The following FHIP2A variants were observed in gnomAD, a reference collection of about 807,000 sequenced individuals.
FHIP2A encodes FHF complex subunit HOOK interacting protein 2A.
FHIP2A carries 46 observed loss-of-function variants against 93.5 expected under a neutral mutation model. The observed-to-expected ratio is 0.49, with a 90% CI of 0.39 to 0.63. The LOEUF is 0.63. Among genes scored for constraint, FHIP2A ranks in the 20% least tolerant of loss-of-function variants. The pLI, the probability that FHIP2A is intolerant of heterozygous loss-of-function variation, is 0.00. For synonymous variants in FHIP2A, 332 were observed against 326.5 expected (o/e 1.02, Z -0.18); for missense variants, 769 against 909.7 (o/e 0.85, Z 1.99).
In FHIP2A at chr10:114,876,659, C is replaced by T. The variant is rs147687049; in HGVS notation, c.2192+15325C>T. On this transcript the variant is annotated intron_variant, in intron 16 of 16. Coordinates refer to the FHIP2A transcript ENST00000369250. Reference sequence around the variant, plus strand: ...TGGGACCTGCCGGGAGCTTTCTGGACAAGCTTCCCAGGGGGCTCAGATGGA... The same window carrying T: ...TGGGACCTGCCGGGAGCTTTCTGGATAAGCTTCCCAGGGGGCTCAGATGGA... Among the ~76,000 whole-genome samples the T allele has an allele frequency of 7.6e-3, 1,155 of 152,252 alleles. 25 individuals carry two copies. Among genetic ancestry groups the T allele is most frequent in the African/African-American group, 0.026 (1,098 of 41,536 alleles).
rs1319172214 is a variant in FHIP2A at position 114,864,139 on chromosome 10, A to T, written c.*2599A>T. ...GTATATATGTATATATATAAGGACC[A>T]AAATTCTTAGCTCGCTTACACTGTT... is the stretch of plus-strand genomic sequence containing the variant. On this transcript the variant is annotated 3_prime_UTR_variant, in exon 17 of 17. Coordinates refer to ENST00000369248, the MANE Select transcript of FHIP2A (RefSeq NM_020940.4). The T allele has an allele frequency of 1.0e-6, 1 of 980,484 alleles. No individual in the cohort carries two copies. The highest frequency in any genetic ancestry group is 6.2e-5 in the Admixed American group (1 of 16,252). 60.7% of individuals were successfully genotyped at this position (980,484 alleles called of 1,614,324 possible).
intron 16 of FHIP2A, among the ~76,000 whole-genome samples, chr10:114,893,211 T>C (rs1020297400): frequency 6.6e-6 from 1 of 152,224 alleles, no homozygotes; most frequent in South Asian, 2.1e-4. Flanking sequence ...TTGTGAGTAA[T>C]CCAATTATCC....
chr10:114,884,416 G>A (rs145566574), intron 16 of FHIP2A, among the ~76,000 whole-genome samples: 11 of 152,304 alleles, frequency 7.2e-5, no homozygotes, highest in East Asian at 5.8e-4. Flanking sequence ...GATCTGCCAC[G>A]TACTAGTGCT....
At chr10:114,881,304 G>A (rs1276294896) in intron 16 of FHIP2A, among the ~76,000 whole-genome samples, 1 of 152,190 alleles carries the variant, frequency 6.6e-6, no homozygotes, top group East Asian at 1.9e-4. Flanking sequence ...CTTTCCAAAA[G>A]CCTTCAAGAG....
intron 9 of FHIP2A, 30 bp downstream of exon 9, chr10:114,846,119 C>T (rs567857826): frequency 6.2e-7 from 1 of 1,611,926 alleles, no homozygotes; most frequent in East Asian, 2.2e-5. Context: ...TTGAAAAAAA[C>T]CGCATCACTG....
intron 14 of FHIP2A, among the ~76,000 whole-genome samples, chr10:114,857,537 T>C (rs1442274834): frequency 6.6e-6 from 1 of 152,006 alleles, no homozygotes; most frequent in East Asian, 1.9e-4. Context: ...CTTGAACTCC[T>C]GACCTCAGGT....
chr10:114,841,167 A>G (rs1211465192), intron 5 of FHIP2A, among the ~76,000 whole-genome samples: 1 of 152,182 alleles, frequency 6.6e-6, no homozygotes, highest in East Asian at 1.9e-4. Context: ...TGATTGAAGG[A>G]CAGAGTGCTA....
downstream of FHIP2A, among the ~76,000 whole-genome samples, chr10:114,866,355 C>G (rs1311968992): frequency 6.6e-6 from 1 of 152,006 alleles, no homozygotes; most frequent in East Asian, 1.9e-4. Flanking sequence ...TTTTCTTTAT[C>G]CAGTCTATCA....
intron 16 of FHIP2A, among the ~76,000 whole-genome samples, chr10:114,891,219 A>AATATATATATATATAT (rs67046628): frequency 5.3e-4 from 73 of 138,478 alleles, no homozygotes; most frequent in South Asian, 3.1e-3. Flanking sequence ...AACAACAACA[A>AATATATATATATATAT]ATATATATAT....
chr10:114,884,556 A>G (rs373326904), intron 16 of FHIP2A, among the ~76,000 whole-genome samples: 14 of 152,228 alleles, frequency 9.2e-5, no homozygotes, highest in East Asian at 5.8e-4. Context: ...TAAGAGCTTA[A>G]TAAACGTTGC....
chr10:114,839,838 C>T (rs1394740161), intron 5 of FHIP2A, among the ~76,000 whole-genome samples: 3 of 146,298 alleles, frequency 2.1e-5, no homozygotes, highest in East Asian at 4.0e-4. Context: ...GCCAAGATCA[C>T]GCCACTGCAC....
intron 16 of FHIP2A, among the ~76,000 whole-genome samples, chr10:114,884,781 G>T (rs2083933732): frequency 6.6e-6 from 1 of 151,872 alleles, no homozygotes; most frequent in South Asian, 2.1e-4. Context: ...AGGTGTGGTG[G>T]CATGTGCCTA....
chr10:114,889,602 C>T (rs2083960492), intron 16 of FHIP2A, among the ~76,000 whole-genome samples: 1 of 152,216 alleles, frequency 6.6e-6, no homozygotes, highest in African/African-American at 2.4e-5. Context: ...AGCCACCTTA[C>T]CTCTATTACT....
intron 14 of FHIP2A, among the ~76,000 whole-genome samples, chr10:114,857,133 AAC>A (rs2083771506): frequency 6.6e-6 from 1 of 152,060 alleles, no homozygotes; most frequent in Admixed American, 6.6e-5. Flanking sequence ...ACAAAAAAAA[AAC>A]CCTTGATTTT....
chr10:114,822,272 G>A (rs2083532514), intron 1 of FHIP2A, 149 bp downstream of exon 1: 1 of 258,072 alleles, frequency 3.9e-6, no homozygotes, highest in Non-Finnish European at 6.5e-6. Flanking sequence ...GGCGCCCTGG[G>A]CGGCCGCCGG....
intron 13 of FHIP2A, among the ~76,000 whole-genome samples, chr10:114,854,142 T>G (rs550437350): frequency 7.2e-5 from 11 of 152,158 alleles, no homozygotes; most frequent in Non-Finnish European, 1.0e-4. Flanking sequence ...CCAGGGTTTT[T>G]TTTTTTTTTT....
chr10:114,844,356 T>A (rs1185313644), intron 7 of FHIP2A, among the ~76,000 whole-genome samples: 2 of 152,154 alleles, frequency 1.3e-5, no homozygotes, highest in Non-Finnish European at 2.9e-5. Flanking sequence ...CCTTTTAGAC[T>A]CCCCAACTTG....
At position 114,875,886 on chromosome 10, in the gene FHIP2A, AAG is replaced by A. The variant is rs762930127; in HGVS notation, c.2192+14560_2192+14561del. 1.5e-3 allele frequency among the ~76,000 whole-genome samples: 211 copies of A among 138,062 alleles called. 18 individuals carry two copies. Among genetic ancestry groups the A allele is most frequent in the Non-Finnish European group, 2.1e-3 (132 of 62,922 alleles). The allele number at this position is 138,062 out of a possible 152,430, so 90.6% of individuals were successfully genotyped here. Reference sequence around the variant, plus strand: ...GAAAGAAAGAGAAAGAAAGAAAAGAAAGAGAGAGAAAGAAATAAAGAAAGAGA... The same window carrying A: ...GAAAGAAAGAGAAAGAAAGAAAAGAAAGAGAGAAAGAAATAAAGAAAGAGA... On this transcript the variant is annotated intron_variant, in intron 16 of 16. Coordinates refer to the FHIP2A transcript ENST00000369250.
intron 16 of FHIP2A, among the ~76,000 whole-genome samples, chr10:114,878,092 A>G (rs989748910): frequency 1.6e-4 from 24 of 152,078 alleles, no homozygotes; most frequent in African/African-American, 5.3e-4. Flanking sequence ...ATTTTTATGT[A>G]TTTTCTTTCC....
Sources: allele counts gnomAD v4.1 joint callset (sites outside exome capture counted in the v4.1 genomes callset), GRCh38; gene constraint gnomAD v4.1.1; transcripts MANE v1.5; gene names NCBI Gene and HGNC (gene_info 2026-07-23, HGNC 2026-07-21).